The following NRXN1 variants were observed in gnomAD, a reference collection of about 807,000 sequenced individuals.
NRXN1 encodes neurexin 1.
In NRXN1, 39 loss-of-function variants were observed where a neutral mutation model predicts 150.9. The observed-to-expected ratio is 0.26, with a 90% CI of 0.20 to 0.34. NRXN1 has a LOEUF of 0.34. NRXN1 is among the 10% of genes least tolerant of loss of function. The pLI is 1.00. For missense variants in NRXN1, 1,815 were observed against 1,949.9 expected (o/e 0.93, Z 1.30); for synonymous variants, 924 against 757.0 (o/e 1.22, Z -3.62).
intron 5 of NRXN1, among the ~76,000 whole-genome samples, chr2:50,832,472 G>T (rs1298637269): frequency 2.0e-5 from 3 of 152,068 alleles, no homozygotes; most frequent in African/African-American, 7.2e-5. Context: ...GGCCAACATG[G>T]CGAAACCTCA....
intron 2 of NRXN1, among the ~76,000 whole-genome samples, chr2:50,999,866 C>T (rs1381746667): frequency 6.6e-6 from 1 of 152,020 alleles, no homozygotes; most frequent in African/African-American, 2.4e-5. Flanking sequence ...TCTGGTCATA[C>T]AAAGGTTACT....
In NRXN1 at chr2:50,123,404, G is replaced by C. The variant is rs142390542; in HGVS notation, c.3547-31910C>G. Among the ~76,000 whole-genome samples, 757 of 152,282 alleles carry C rather than the reference G, an allele frequency of 5.0e-3. 5 individuals carry two copies. The highest frequency in any genetic ancestry group is 0.016 in the African/African-American group (679 of 41,568). On this transcript the variant is annotated intron_variant, in intron 18 of 22. Transcript: ENST00000401669. ...AGGCTTGGAGGTGAAAGCAAACATGGTATTTGGTTGGAGCAAATGGGTCAT... is the reference window on the plus strand; with the variant it reads ...AGGCTTGGAGGTGAAAGCAAACATGCTATTTGGTTGGAGCAAATGGGTCAT...
At chr2:50,212,321 T>C (rs2063087938) in intron 18 of NRXN1, among the ~76,000 whole-genome samples, 1 of 149,322 alleles carries the variant, frequency 6.7e-6, no homozygotes, top group Non-Finnish European at 1.5e-5. Context: ...AAAAATGGGT[T>C]TGCCTAGAAA....
chr2:50,849,462 G>A (rs561792365), intron 5 of NRXN1, among the ~76,000 whole-genome samples: 2 of 152,168 alleles, frequency 1.3e-5, no homozygotes, highest in African/African-American at 4.8e-5. Context: ...TAGGGTGAAG[G>A]TAAGAGCCTA....
intron 13 of NRXN1, among the ~76,000 whole-genome samples, chr2:50,504,585 T>G (rs944667749): frequency 6.6e-6 from 1 of 152,006 alleles, no homozygotes; most frequent in African/African-American, 2.4e-5. Context: ...TTAAAAAAAA[T>G]GTTTTTCACC....
intron 17 of NRXN1, among the ~76,000 whole-genome samples, chr2:50,362,454 TAGAG>T (rs1035271381): frequency 6.0e-5 from 9 of 149,520 alleles, no homozygotes; most frequent in Non-Finnish European, 1.2e-4. Context: ...ATACCAGTAA[TAGAG>T]AGCCAAATCA....
intron 8 of NRXN1, among the ~76,000 whole-genome samples, chr2:50,598,526 T>C (rs997259323): frequency 6.6e-6 from 1 of 151,164 alleles, no homozygotes; most frequent in African/African-American, 2.4e-5. Context: ...TTATAAGCTG[T>C]AATCCTAACT....
At chr2:50,879,798 G>A (rs1003015854) in intron 5 of NRXN1, among the ~76,000 whole-genome samples, 11 of 151,870 alleles carry the variant, frequency 7.2e-5, no homozygotes, top group Non-Finnish European at 7.4e-5. Context: ...CCAAGTACCG[G>A]CTATAGGAAA....
At chr2:50,351,350 T>C (rs1572639576) in intron 17 of NRXN1, among the ~76,000 whole-genome samples, 1 of 152,170 alleles carries the variant, frequency 6.6e-6, no homozygotes, top group African/African-American at 2.4e-5. Context: ...CAGTCAGAAT[T>C]ACAGCAGACA....
At chr2:50,325,846 T>A (rs992040684) in intron 17 of NRXN1, among the ~76,000 whole-genome samples, 1 of 152,218 alleles carries the variant, frequency 6.6e-6, no homozygotes, top group Non-Finnish European at 1.5e-5. Flanking sequence ...TGATAACATT[T>A]GTGAACATGT....
intron 2 of NRXN1, among the ~76,000 whole-genome samples, chr2:50,992,945 A>T (rs1355935556): frequency 2.6e-5 from 4 of 151,998 alleles, no homozygotes; most frequent in African/African-American, 9.7e-5. Flanking sequence ...GATTTTACCA[A>T]GTGCATAAAT....
chr2:50,540,213 T>C (rs2093357484), intron 9 of NRXN1, among the ~76,000 whole-genome samples: 1 of 152,092 alleles, frequency 6.6e-6, no homozygotes, highest in African/African-American at 2.4e-5. Context: ...GGCCTTCCAA[T>C]GAGGGGAGCA....
chr2:50,542,769 C>T (rs1176349923), intron 9 of NRXN1, among the ~76,000 whole-genome samples: 1 of 152,044 alleles, frequency 6.6e-6, no homozygotes, highest in African/African-American at 2.4e-5. Flanking sequence ...AGACACATTT[C>T]CAATAAGGGA....
intron 17 of NRXN1, among the ~76,000 whole-genome samples, chr2:50,338,866 T>A (rs1416121236): frequency 6.6e-6 from 1 of 152,202 alleles, no homozygotes; most frequent in Admixed American, 6.5e-5. Context: ...TACTTTATGC[T>A]CTGTAACTAT....
chr2:49,974,178 A>G (rs1289466575), intron 21 of NRXN1: 1 of 709,200 alleles, frequency 1.4e-6, no homozygotes, highest in East Asian at 2.7e-5. Flanking sequence ...CCCTGCACAC[A>G]GATGGGCGAG....
intron 17 of NRXN1, chr2:50,464,412 G>A (rs976022714): frequency 6.6e-6 from 1 of 151,904 alleles, no homozygotes; most frequent in Non-Finnish European, 1.5e-5. Context: ...ACTCAGTTCA[G>A]AGGATTACTG....
At chr2:50,151,152 T>C (rs2058672616) in intron 18 of NRXN1, among the ~76,000 whole-genome samples, 1 of 151,756 alleles carries the variant, frequency 6.6e-6, no homozygotes, top group African/African-American at 2.4e-5. Context: ...GATTGATTTC[T>C]GACAGTGCCT....
intron 18 of NRXN1, among the ~76,000 whole-genome samples, chr2:50,221,064 T>A (rs562057875): frequency 6.6e-6 from 1 of 152,176 alleles, no homozygotes; most frequent in African/African-American, 2.4e-5. Flanking sequence ...TTGTATTGGA[T>A]ACACCTATTT....
intron 5 of NRXN1, among the ~76,000 whole-genome samples, chr2:50,799,873 T>G (rs1707351153): frequency 6.6e-6 from 1 of 152,000 alleles, no homozygotes; most frequent in Admixed American, 6.6e-5. Context: ...TTGTGACACT[T>G]TAAGACATCC....
Sources: allele counts gnomAD v4.1 joint callset (sites outside exome capture counted in the v4.1 genomes callset), GRCh38; gene constraint gnomAD v4.1.1; transcripts MANE v1.5; gene names NCBI Gene and HGNC (gene_info 2026-07-23, HGNC 2026-07-21).